The following OR51D1 variants were observed in gnomAD, a reference collection of about 807,000 sequenced individuals.
OR51D1 encodes the protein olfactory receptor family 51 subfamily D member 1, also known as olfactory receptor 51D1.
For missense variants in OR51D1, 452 were observed against 396.2 expected (o/e 1.14, Z -1.20); for synonymous variants, 187 against 161.1 (o/e 1.16, Z -1.22).
chr11:4,640,928 T>C lies in OR51D1; in HGVS notation c.*163T>C. 3.1e-6 allele frequency: 2 copies of C among 647,628 alleles called. No individual in the cohort carries two copies. The highest frequency in any genetic ancestry group is 4.1e-5 in the South Asian group (2 of 48,962). 40.1% of individuals were successfully genotyped at this position (647,628 alleles called of 1,614,324 possible). On this transcript the variant is annotated 3_prime_UTR_variant, in exon 2 of 2. Coordinates refer to ENST00000641817, the MANE Select transcript of OR51D1 (RefSeq NM_001004751.3). ...TCCAGGAATGTGTCAGTACTGAACT[T>C]ATGACCCTGTCTGGACATCCTGGAG... is the stretch of plus-strand genomic sequence containing the variant.
intron 1 of OR51D1, among the ~76,000 whole-genome samples, chr11:4,639,095 T>G (rs887451241): frequency 5.9e-5 from 9 of 152,214 alleles, no homozygotes; most frequent in African/African-American, 2.2e-4. Context: ...CTGGCGGGGC[T>G]TATTGTTTTT....
At position 4,640,294 on chromosome 11, in the gene OR51D1, C is replaced by A; in HGVS notation, c.504C>A (p.Phe168Leu). Residue 168 changes from phenylalanine to leucine, a missense_variant, in exon 2 of 2, where the codon TTC becomes TTA. Physicochemically the swap from Phe to Leu is conservative, Grantham distance 22. Transcript: ENST00000641817. Reference sequence around the variant, plus strand: ...CTGCCCTGACCAGGGGGTTTGTATTCTTCTTCCCACTGCCCTTCATCCTCA... The same window carrying A: ...CTGCCCTGACCAGGGGGTTTGTATTATTCTTCCCACTGCCCTTCATCCTCA... ...GLSALTRGFV[F>L]FFPLPFILKW... The A allele has an allele frequency of 1.2e-6, 2 of 1,612,740 alleles. No homozygotes were observed. Among genetic ancestry groups the A allele is most frequent in the East Asian group, 4.5e-5 (2 of 44,874 alleles).
rs1320859056 is a variant in OR51D1, at chr11:4,641,646, G to T, written c.*881G>T. 6.6e-6 allele frequency: 1 copy of T among 152,420 alleles called. No individual in the cohort carries two copies. The highest frequency in any genetic ancestry group is 2.4e-5 in the African/African-American group (1 of 41,414). The allele number at this position is 152,420 out of a possible 1,614,324, so 9.4% of individuals were successfully genotyped here. On this transcript the variant is annotated 3_prime_UTR_variant, in exon 2 of 2. Transcript: ENST00000641817. ...ACCTTTATGTGTATCTGGTAAGAATGCTGCCTCTACCTTTTCTTCCTATTT... is the reference window on the plus strand; with the variant it reads ...ACCTTTATGTGTATCTGGTAAGAATTCTGCCTCTACCTTTTCTTCCTATTT...
chr11:4,638,957 T>C (rs557759024), intron 1 of OR51D1, among the ~76,000 whole-genome samples: 1 of 152,240 alleles, frequency 6.6e-6, no homozygotes, highest in Admixed American at 6.5e-5. Flanking sequence ...CAAGCCTGGC[T>C]AACTTTTGCA....
At position 4,639,933 on chromosome 11, in the gene OR51D1, ATG is replaced by A; in HGVS notation, c.144_145del (p.Ala49LeufsTer6). 1 of 1,614,066 alleles carries A rather than the reference ATG, an allele frequency of 6.2e-7. No individual in the cohort carries two copies. The highest frequency in any genetic ancestry group is 1.1e-5 in the South Asian group (1 of 91,084). ...CTGGCTTTCCCACTGTGTTTTATGTATGCCTTGGCCACCCTGGGTAACCTGAC... is the reference window on the plus strand; with the variant it reads ...CTGGCTTTCCCACTGTGTTTTATGTACCTTGGCCACCCTGGGTAACCTGAC... On this transcript the variant is annotated frameshift_variant, in exon 2 of 2. Coordinates refer to ENST00000641817, the MANE Select transcript of OR51D1 (RefSeq NM_001004751.3). LOFTEE classifies it high-confidence loss of function.
rs754007153 is a variant in OR51D1, at chr11:4,640,691, C to A, written c.901C>A (p.Pro301Thr). 6.2e-7 allele frequency: 1 copy of A among 1,613,924 alleles called. No individual in the cohort carries two copies. Among genetic ancestry groups the A allele is most frequent in the Admixed American group, 1.7e-5 (1 of 60,012 alleles). ...TYLLLPPVVN[P>T]LVYGAKTKEI... is the part of the protein sequence containing the mutation. ...CTTGCTGCTACCACCTGTAGTCAAC[C>A]CCCTTGTCTATGGAGCCAAGACCAA... is the stretch of plus-strand genomic sequence containing the variant. Residue 301 changes from proline to threonine, a missense_variant, in exon 2 of 2, where the codon CCC becomes ACC. Pro to Thr is a conservative substitution (Grantham distance 38, BLOSUM62 -1). Coordinates refer to ENST00000641817, the MANE Select transcript of OR51D1 (RefSeq NM_001004751.3).
Position 4,640,434 on chromosome 11 carries a change from T to A in OR51D1, c.644T>A (p.Ile215Asn), listed in dbSNP as rs992606558. The A allele has an allele frequency of 6.2e-7, 1 of 1,614,086 alleles. No homozygotes were observed. Among genetic ancestry groups the A allele is most frequent in the Non-Finnish European group, 8.5e-7 (1 of 1,180,028 alleles). Residue 215 changes from isoleucine to asparagine, a missense_variant, in exon 2 of 2, where the codon ATC (isoleucine) becomes AAC (asparagine). By Grantham distance (149) the Ile-to-Asn change is moderately radical. Coordinates refer to ENST00000641817, the MANE Select transcript of OR51D1 (RefSeq NM_001004751.3). Reference sequence around the variant, plus strand: ...GTCAATGTGGTTTATGGACTCTTCATCATCCTCTCAGTCATGGGTGTGGAC... The same window carrying A: ...GTCAATGTGGTTTATGGACTCTTCAACATCCTCTCAGTCATGGGTGTGGAC... Reference protein sequence around the residue: ...TRVNVVYGLFIILSVMGVDSL... With the variant: ...TRVNVVYGLFNILSVMGVDSL...
chr11:4,640,072 G>A lies in OR51D1; in HGVS notation c.282G>A (p.Met94Ile), dbSNP rs1375965403. The change falls in exon 2 of 2, where the codon ATG becomes ATA. Residue 94 changes from methionine to isoleucine, a missense_variant. Met to Ile is a conservative substitution (Grantham distance 10, BLOSUM62 1). Transcript: ENST00000641817. ...LVLSSITMPK[M>I]ASLFLMGIQE... is the part of the protein sequence containing the mutation. ...TCTCCTCTATCACCATGCCCAAGAT[G>A]GCCAGTCTTTTCCTGATGGGCATCC... is the stretch of plus-strand genomic sequence containing the variant. The A allele has an allele frequency of 6.2e-7, 1 of 1,614,168 alleles. No individual in the cohort carries two copies. Among genetic ancestry groups the A allele is most frequent in the Admixed American group, 1.7e-5 (1 of 60,030 alleles).
rs201859609 is a variant in OR51D1 at position 4,640,546 on chromosome 11, C to T, written c.756C>T (p.Asn252=). ...SSRRAALKAF[N]TCISHLCAVL... Reference sequence around the variant, plus strand: ...GGAGGGCAGCACTCAAGGCTTTCAACACCTGCATCTCCCACCTCTGTGCTG... The same window carrying T: ...GGAGGGCAGCACTCAAGGCTTTCAATACCTGCATCTCCCACCTCTGTGCTG... Residue 252 remains asparagine, a synonymous_variant, in exon 2 of 2, where the codon AAC becomes AAT. Coordinates refer to ENST00000641817, the MANE Select transcript of OR51D1 (RefSeq NM_001004751.3). The T allele has an allele frequency of 4.1e-5, 66 of 1,613,734 alleles. 1 individual carries two copies. The highest frequency in any genetic ancestry group is 1.3e-4 in the South Asian group (12 of 91,068).
rs191677174 is a variant in OR51D1, at chr11:4,639,956, C to T, written c.166C>T (p.Leu56=). ...FMYALATLGN[L]TIVLIIRVER... ...GTATGCCTTGGCCACCCTGGGTAAC[C>T]TGACCATTGTCCTCATCATTCGTGT... The change falls in exon 2 of 2, where the codon CTG becomes TTG. Residue 56 remains leucine (L), a synonymous_variant. Coordinates refer to ENST00000641817, the MANE Select transcript of OR51D1 (RefSeq NM_001004751.3). The T allele has an allele frequency of 1.7e-5, 27 of 1,614,190 alleles. No homozygotes were observed. In the East Asian group the frequency reaches 5.6e-4, roughly 33 times the overall value.
rs565994645 is a variant in OR51D1 at position 4,641,594 on chromosome 11, G to A, written c.*829G>A. Reference sequence around the variant, plus strand: ...TGATATGTGTCTACGTGAGAATGCTGGTGTCTGTATCTGCATGGTGGGCAG... The same window carrying A: ...TGATATGTGTCTACGTGAGAATGCTAGTGTCTGTATCTGCATGGTGGGCAG... On this transcript the variant is annotated 3_prime_UTR_variant, in exon 2 of 2. Transcript: ENST00000641817. The A allele has an allele frequency of 6.6e-6, 1 of 152,458 alleles. No homozygotes were observed. Among genetic ancestry groups the A allele is most frequent in the Admixed American group, 6.5e-5 (1 of 15,270 alleles). The allele number at this position is 152,458 out of a possible 1,614,324, so 9.4% of individuals were successfully genotyped here. A position where few individuals can be genotyped will look rare whatever the true frequency, so the allele number is the denominator to read the frequency against.
Position 4,640,818 on chromosome 11 carries a change from A to G in OR51D1, c.*53A>G. 6.7e-7 allele frequency: 1 copy of G among 1,489,190 alleles called. No individual in the cohort carries two copies. Among genetic ancestry groups the G allele is most frequent in the African/African-American group, 1.4e-5 (1 of 71,472 alleles). The allele number at this position is 1,489,190 out of a possible 1,614,324, so 92.2% of individuals were successfully genotyped here. A position where few individuals can be genotyped will look rare whatever the true frequency, so the allele number is the denominator to read the frequency against. On this transcript the variant is annotated 3_prime_UTR_variant, in exon 2 of 2. Transcript: ENST00000641817. ...TACTACAGAAGATGGGAATATTAGGATCCTATTGAATGCCTTGGTGATTAA... is the reference window on the plus strand; with the variant it reads ...TACTACAGAAGATGGGAATATTAGGGTCCTATTGAATGCCTTGGTGATTAA...
In OR51D1 at chr11:4,642,781, T is replaced by C. The variant is rs1846984445; in HGVS notation, c.*2016T>C. 6.6e-6 allele frequency: 1 copy of C among 152,180 alleles called. No homozygotes were observed. The highest frequency in any genetic ancestry group is 1.5e-5 in the Non-Finnish European group (1 of 68,038). 9.4% of individuals were successfully genotyped at this position (152,180 alleles called of 1,614,324 possible). On this transcript the variant is annotated 3_prime_UTR_variant, in exon 2 of 2. Coordinates refer to ENST00000641817, the MANE Select transcript of OR51D1 (RefSeq NM_001004751.3). ...ATTGTTACTCCATATTGGATGGAAG[T>C]AGAAGTCCCTTTGGTATTTTTTAAA...
rs1036123375 is a variant in OR51D1, at chr11:4,641,942, T to A, written c.*1177T>A. On this transcript the variant is annotated 3_prime_UTR_variant, in exon 2 of 2. Coordinates refer to ENST00000641817, the MANE Select transcript of OR51D1 (RefSeq NM_001004751.3). ...ACTTTCTTTGTGTGTTGGGTGTGTATGTGACACGAATGGGGACAGCATCTG... is the reference window on the plus strand; with the variant it reads ...ACTTTCTTTGTGTGTTGGGTGTGTAAGTGACACGAATGGGGACAGCATCTG... 6.6e-6 allele frequency: 1 copy of A among 152,610 alleles called. No homozygotes were observed. The highest frequency in any genetic ancestry group is 1.5e-5 in the Non-Finnish European group (1 of 68,060). 9.5% of individuals were successfully genotyped at this position (152,610 alleles called of 1,614,324 possible).
Position 4,639,852 on chromosome 11 carries a change from C to T in OR51D1, c.62C>T (p.Ala21Val). ...ACTTCAAATGGAAATCTGGTCCACG[C>T]AGCATACTTCCTTTTGGTGGGTATC... ...IATSNGNLVH[A>V]AYFLLVGIPG... is the part of the protein sequence containing the mutation. The change falls in exon 2 of 2, where the codon GCA (alanine) becomes GTA (valine). Residue 21 changes from alanine to valine, a missense_variant. Ala to Val is a moderately conservative substitution (Grantham distance 64, BLOSUM62 0). Transcript: ENST00000641817. 6.2e-7 allele frequency: 1 copy of T among 1,614,192 alleles called. No individual in the cohort carries two copies. The highest frequency in any genetic ancestry group is 8.5e-7 in the Non-Finnish European group (1 of 1,180,002).
intron 1 of OR51D1, among the ~76,000 whole-genome samples, chr11:4,639,491 G>C (rs10836399): frequency 0.22 from 34,022 of 152,132 alleles, 3,996 homozygotes; most frequent in South Asian, 0.39. Flanking sequence ...GCAGGACTGT[G>C]TTACATGTTT....
rs1846950403 is a variant in OR51D1 at position 4,640,360 on chromosome 11, C to T, written c.570C>T (p.Ser190=). 6.2e-7 allele frequency: 1 copy of T among 1,614,198 alleles called. No homozygotes were observed. The highest frequency in any genetic ancestry group is 1.3e-5 in the African/African-American group (1 of 75,042). The change falls in exon 2 of 2, where the codon TCC becomes TCT. Residue 190 remains serine, a synonymous_variant. Coordinates refer to ENST00000641817, the MANE Select transcript of OR51D1 (RefSeq NM_001004751.3). ...GCCAAACACATACTGTCACACACTCCTTCTGTCTGCACCAAGATATTATGA... is the reference window on the plus strand; with the variant it reads ...GCCAAACACATACTGTCACACACTCTTTCTGTCTGCACCAAGATATTATGA... ...SYCQTHTVTH[S]FCLHQDIMKL...
chr11:4,640,396 T>C lies in OR51D1; in HGVS notation c.606T>C (p.Cys202=). The C allele has an allele frequency of 6.2e-7, 1 of 1,614,240 alleles. No homozygotes were observed. The highest frequency in any genetic ancestry group is 8.5e-7 in the Non-Finnish European group (1 of 1,180,038). The part of the protein sequence containing the change: ...CLHQDIMKLS[C]TDTRVNVVYG... ...ACCAAGATATTATGAAGCTGTCCTG[T>C]ACTGACACCAGGGTCAATGTGGTTT... Residue 202 remains cysteine (C), a synonymous_variant, in exon 2 of 2, where the codon TGT becomes TGC. Transcript: ENST00000641817.
Position 4,641,227 on chromosome 11 carries a change from C to T in OR51D1, c.*462C>T, listed in dbSNP as rs1846964785. On this transcript the variant is annotated 3_prime_UTR_variant, in exon 2 of 2. Coordinates refer to ENST00000641817, the MANE Select transcript of OR51D1 (RefSeq NM_001004751.3). ...TGGGGAATAGTAACTGGAGAGACAGCAACAAGACAAGAGGCAGCTCACATG... is the reference window on the plus strand; with the variant it reads ...TGGGGAATAGTAACTGGAGAGACAGTAACAAGACAAGAGGCAGCTCACATG... 1 of 161,682 alleles carries T rather than the reference C, an allele frequency of 6.2e-6. No homozygotes were observed. The highest frequency in any genetic ancestry group is 2.4e-5 in the African/African-American group (1 of 41,522). The allele number at this position is 161,682 out of a possible 1,614,324, so 10.0% of individuals were successfully genotyped here.
Sources: gnomAD v4.1 joint callset for allele counts (sites outside exome capture counted in the v4.1 genomes callset) on GRCh38, gnomAD v4.1.1 for gene constraint, MANE v1.5 for transcripts, NCBI Gene and HGNC (gene_info 2026-07-23, HGNC 2026-07-21) for gene names.